Variants in SCFD2 observed in about 807,000 individuals in gnomAD.
SCFD2 encodes the protein sec1 family domain-containing protein 2.
A neutral mutation model predicts 58.9 loss-of-function variants in SCFD2; 54 were observed. The ratio of observed to expected loss-of-function variants is 0.92; its 90% CI spans 0.74 to 1.15. The LOEUF (loss-of-function observed/expected upper bound fraction) is 1.15, where lower values mean the gene tolerates loss of function less well. Among genes scored for constraint, SCFD2 ranks in the 50% most tolerant of loss-of-function variants. The pLI, the probability that SCFD2 is intolerant of heterozygous loss-of-function variation, is 0.00. For synonymous variants in SCFD2, 321 were observed against 335.9 expected (o/e 0.96, Z 0.49); for missense variants, 805 against 836.6 (o/e 0.96, Z 0.47).
At chr4:53,133,156 G>A (rs1186390715) in intron 5 of SCFD2, among the ~76,000 whole-genome samples, 7 of 151,830 alleles carry the variant, frequency 4.6e-5, no homozygotes, top group Admixed American at 1.3e-4. Flanking sequence ...GTGAAACCCC[G>A]TCTCTACTAA....
At chr4:53,364,216 T>C (rs1245303249) in intron 1 of SCFD2, among the ~76,000 whole-genome samples, 1 of 152,224 alleles carries the variant, frequency 6.6e-6, no homozygotes, top group Non-Finnish European at 1.5e-5. Context: ...TGAAAATTAA[T>C]CTTATTAAGA....
At chr4:53,041,641 T>C (rs1251131303) in intron 5 of SCFD2, among the ~76,000 whole-genome samples, 1 of 152,134 alleles carries the variant, frequency 6.6e-6, no homozygotes, top group Non-Finnish European at 1.5e-5. Context: ...TGATCCACAT[T>C]GTTTCTTCAA....
intron 4 of SCFD2, among the ~76,000 whole-genome samples, chr4:53,207,502 T>TAA (rs1314421989): frequency 1.0e-4 from 4 of 39,120 alleles, no homozygotes; most frequent in African/African-American, 4.0e-4. Flanking sequence ...TTCATATATA[T>TAA]ATATTATATA....
chr4:53,134,555 T>C (rs974563283), intron 5 of SCFD2, among the ~76,000 whole-genome samples: 7 of 152,232 alleles, frequency 4.6e-5, no homozygotes, highest in Non-Finnish European at 2.9e-5. Flanking sequence ...AAAGGTAATT[T>C]ATACATTTTA....
chr4:53,149,544 C>G (rs1240201856), intron 4 of SCFD2, among the ~76,000 whole-genome samples: 2 of 152,126 alleles, frequency 1.3e-5, no homozygotes, highest in Non-Finnish European at 2.9e-5. Context: ...TATGTAGATA[C>G]TTTTACCTTC....
chr4:53,357,870 C>G (rs1734444989), intron 1 of SCFD2, among the ~76,000 whole-genome samples: 1 of 152,158 alleles, frequency 6.6e-6, no homozygotes, highest in Admixed American at 6.6e-5. Flanking sequence ...AAACTTTTCC[C>G]ACACCCACAT....
At chr4:53,259,584 T>C (rs1730766373) in intron 4 of SCFD2, among the ~76,000 whole-genome samples, 1 of 152,258 alleles carries the variant, frequency 6.6e-6, no homozygotes, top group African/African-American at 2.4e-5. Flanking sequence ...TCTATGTGCC[T>C]ATTTTTATAC....
intron 7 of SCFD2, among the ~76,000 whole-genome samples, chr4:52,895,969 AG>A (rs1468571032): frequency 6.6e-6 from 1 of 152,118 alleles, no homozygotes; most frequent in East Asian, 1.9e-4. Flanking sequence ...TCTTTTGAGA[AG>A]TGTTTGTTCA....
chr4:53,257,311 T>G (rs933458042), intron 4 of SCFD2, among the ~76,000 whole-genome samples: 4 of 152,096 alleles, frequency 2.6e-5, no homozygotes, highest in Non-Finnish European at 4.4e-5. Flanking sequence ...CTGTTCCCTA[T>G]AGTCAGTTCA....
intron 1 of SCFD2, among the ~76,000 whole-genome samples, chr4:53,356,176 C>G (rs1734394631): frequency 6.6e-6 from 1 of 152,188 alleles, no homozygotes; most frequent in Non-Finnish European, 1.5e-5. Context: ...CATGGGCCTC[C>G]CATAGGGCTG....
intron 4 of SCFD2, among the ~76,000 whole-genome samples, chr4:53,184,094 A>G (rs1269226528): frequency 6.6e-6 from 1 of 152,142 alleles, no homozygotes; most frequent in African/African-American, 2.4e-5. Flanking sequence ...TATGTCACTG[A>G]CTTTCCGTAC....
intron 4 of SCFD2, among the ~76,000 whole-genome samples, chr4:53,167,762 G>GC (rs11397380): frequency 0.67 from 101,984 of 152,002 alleles, 34,483 homozygotes; most frequent in South Asian, 0.75. Flanking sequence ...GGAAAGAGGA[G>GC]AGTTCTTTCT....
intron 5 of SCFD2, among the ~76,000 whole-genome samples, chr4:53,060,881 TA>T (rs959538284): frequency 6.6e-6 from 1 of 152,150 alleles, no homozygotes; most frequent in African/African-American, 2.4e-5. Context: ...TATAAAAGCA[TA>T]AAGAGGTCTA....
intron 5 of SCFD2, among the ~76,000 whole-genome samples, chr4:53,052,721 C>T (rs568383186): frequency 1.8e-4 from 28 of 152,252 alleles, no homozygotes; most frequent in Admixed American, 5.2e-4. Flanking sequence ...GTTCTTGGTT[C>T]ACTTTCAGGT....
chr4:53,122,102 C>T (rs373191186), intron 5 of SCFD2, among the ~76,000 whole-genome samples: 9 of 152,126 alleles, frequency 5.9e-5, no homozygotes, highest in South Asian at 2.1e-4. Flanking sequence ...CTAGTCTGGG[C>T]GCGGTGGCTC....
intron 3 of SCFD2, among the ~76,000 whole-genome samples, chr4:53,303,832 C>G (rs1167062461): frequency 3.5e-5 from 5 of 141,776 alleles, no homozygotes; most frequent in African/African-American, 1.3e-4. Context: ...AACCATCATT[C>G]TCAGCAAACT....
intron 5 of SCFD2, among the ~76,000 whole-genome samples, chr4:53,018,196 T>C (rs754951563): frequency 2.0e-4 from 30 of 152,358 alleles, no homozygotes; most frequent in Middle Eastern, 3.4e-3. Context: ...TATTTAATCA[T>C]TTAATTGATT....
intron 5 of SCFD2, among the ~76,000 whole-genome samples, chr4:52,931,069 G>A (rs1227692980): frequency 1.3e-5 from 2 of 152,160 alleles, no homozygotes; most frequent in African/African-American, 2.4e-5. Context: ...CCCAAGGAAG[G>A]CAGCACACAG....
At chr4:53,345,743 T>C (rs1484706398) in intron 2 of SCFD2, among the ~76,000 whole-genome samples, 1 of 152,198 alleles carries the variant, frequency 6.6e-6, no homozygotes, top group Non-Finnish European at 1.5e-5. Flanking sequence ...GTGGCACATA[T>C]ACACCATGGA....
Sources: gnomAD v4.1 joint callset for allele counts (sites outside exome capture counted in the v4.1 genomes callset) on GRCh38, gnomAD v4.1.1 for gene constraint, MANE v1.5 for transcripts, NCBI Gene and HGNC (gene_info 2026-07-23, HGNC 2026-07-21) for gene names.